NUP210L: variants seen among roughly 807,000 people sequenced by gnomAD.
NUP210L encodes the protein nucleoporin 210 like, also known as nuclear pore membrane glycoprotein 210-like.
A neutral mutation model predicts 208.5 loss-of-function variants in NUP210L; 74 were observed. The ratio of observed to expected loss-of-function variants is 0.35; its 90% CI spans 0.29 to 0.43. NUP210L has a LOEUF of 0.43. NUP210L is among the 20% of genes least tolerant of loss of function. NUP210L has a pLI of 1.00. For synonymous variants in NUP210L, 780 were observed against 816.9 expected (o/e 0.95, Z 0.77); for missense variants, 1,843 against 2,289.4 (o/e 0.81, Z 3.98).
At chr1:154,080,283 C>A (rs186444797) in intron 16 of NUP210L, among the ~76,000 whole-genome samples, 2 of 151,746 alleles carry the variant, frequency 1.3e-5, no homozygotes, top group African/African-American at 4.8e-5. Context: ...TCGTTTGAAC[C>A]TGGGAGGCGG....
At chr1:154,098,984 C>G (rs1018684851) in intron 14 of NUP210L, among the ~76,000 whole-genome samples, 7 of 152,192 alleles carry the variant, frequency 4.6e-5, no homozygotes, top group Non-Finnish European at 7.4e-5. Context: ...GCCAAGGCAG[C>G]AGGGGCCTGG....
chr1:154,010,019 G>A (rs1221258973), exon 35 of NUP210L: 1 of 1,612,604 alleles, frequency 6.2e-7, no homozygotes, highest in Admixed American at 1.7e-5. Flanking sequence ...TTTACTTGCT[G>A]GAATGTCTAG....
At chr1:154,057,992 C>T in intron 22 of NUP210L, 97 bp downstream of exon 22, 1 of 1,294,460 alleles carries the variant, frequency 7.7e-7, no homozygotes. Context: ...TGGAGAAAAT[C>T]TGAAATAATC....
intron 10 of NUP210L, 42 bp from the exon 11 acceptor site, chr1:154,118,850 AC>A: frequency 7.7e-7 from 1 of 1,302,278 alleles, no homozygotes; most frequent in Non-Finnish European, 1.1e-6. Context: ...ATTTATAAGG[AC>A]TATTCTTATA....
chr1:154,036,540 T>A (rs1373962328), intron 27 of NUP210L, among the ~76,000 whole-genome samples: 1 of 150,010 alleles, frequency 6.7e-6, no homozygotes, highest in Non-Finnish European at 1.5e-5. Context: ...AATTTTTGTA[T>A]TTTTAGTAGA....
At chr1:154,141,496 C>T in exon 4 of NUP210L, 1 of 1,611,728 alleles carries the variant, frequency 6.2e-7, no homozygotes, top group Admixed American at 1.7e-5. Flanking sequence ...ACTCAAACAT[C>T]ATCCCTGCCA....
chr1:154,010,709 A>T (rs1052950008), intron 34 of NUP210L, among the ~76,000 whole-genome samples: 1 of 151,934 alleles, frequency 6.6e-6, no homozygotes, highest in Admixed American at 6.6e-5. Context: ...CGTCTCTACT[A>T]AAAATACAAA....
intron 13 of NUP210L, among the ~76,000 whole-genome samples, chr1:154,101,836 A>C (rs1202769009): frequency 6.6e-6 from 1 of 152,078 alleles, no homozygotes; most frequent in Non-Finnish European, 1.5e-5. Context: ...AATATGAGAG[A>C]TATATATGAG....
chr1:154,136,942 C>T (rs1199751179), intron 6 of NUP210L, among the ~76,000 whole-genome samples: 1 of 98,874 alleles, frequency 1.0e-5, no homozygotes, highest in Non-Finnish European at 2.2e-5. Context: ...AAAAAAAAAG[C>T]TCAATGTAAC....
chr1:154,085,286 C>T (rs1262685285), intron 16 of NUP210L, among the ~76,000 whole-genome samples: 6 of 150,248 alleles, frequency 4.0e-5, no homozygotes, highest in African/African-American at 1.5e-4. Flanking sequence ...GGAGGCAGAG[C>T]TTGCAGTGAG....
chr1:153,993,863 ACACCAG>A (rs1359285042), intron 38 of NUP210L, among the ~76,000 whole-genome samples: 2 of 152,136 alleles, frequency 1.3e-5, no homozygotes, highest in African/African-American at 4.8e-5. Context: ...GCACCACTTC[ACACCAG>A]CCTGGGTGAC....
At chr1:154,089,339 T>C (rs1157178765) in intron 16 of NUP210L, 82 bp downstream of exon 16, 1 of 1,183,972 alleles carries the variant, frequency 8.4e-7, no homozygotes, top group Non-Finnish European at 1.2e-6. Flanking sequence ...TCTGGATATA[T>C]ACCCCAAAGA....
At chr1:154,073,197 A>G (rs141136410) in intron 16 of NUP210L, among the ~76,000 whole-genome samples, 310 of 152,340 alleles carry the variant, frequency 2.0e-3, no homozygotes, top group African/African-American at 7.0e-3. Flanking sequence ...ATGATCAGGG[A>G]AATGCACATC....
In NUP210L at chr1:154,135,866, G is replaced by A. The variant is rs1271124266; in HGVS notation, c.957C>T (p.Ala319=). 4.3e-6 allele frequency: 7 copies of A among 1,613,602 alleles called. No individual in the cohort carries two copies. In the African/African-American group the frequency reaches 5.3e-5, roughly 12 times the overall value. The stretch of plus-strand genomic sequence containing the variant: ...GGCCCAGTTGTGAGGCAGTCACCAT[G>A]GCTGTTTTGTCATCCAGTATAGCCA... Residue 319 remains alanine, a synonymous_variant, in exon 7 of 40, where the codon GCC becomes GCT. Coordinates refer to ENST00000368559, the Ensembl canonical transcript of NUP210L.
intron 35 of NUP210L, among the ~76,000 whole-genome samples, chr1:154,004,546 G>A (rs1650399913): frequency 1.3e-5 from 2 of 152,096 alleles, no homozygotes; most frequent in South Asian, 4.1e-4. Context: ...AGTAGAGGCA[G>A]AGTTTCACCA....
intron 37 of NUP210L, among the ~76,000 whole-genome samples, chr1:153,996,251 C>CA (rs1649858426): frequency 6.6e-6 from 1 of 152,138 alleles, no homozygotes; most frequent in Non-Finnish European, 1.5e-5. Flanking sequence ...GAGATCTCTC[C>CA]ACTGCACTCC....
intron 2 of NUP210L, among the ~76,000 whole-genome samples, chr1:154,150,267 G>C (rs12567507): frequency 2.0e-5 from 3 of 152,034 alleles, no homozygotes; most frequent in Non-Finnish European, 4.4e-5. Flanking sequence ...CCAGCTACTC[G>C]GGAGGCTGAG....
chr1:154,117,729 A>T, exon 12 of NUP210L: 1 of 1,609,960 alleles, frequency 6.2e-7, no homozygotes, highest in Non-Finnish European at 8.5e-7. Context: ...GTTTACCTTA[A>T]TTTCTCCATA....
rs369108614 is a variant in NUP210L at position 154,054,964 on chromosome 1, G to A, written c.3241-132C>T. 1.9e-4 allele frequency: 127 copies of A among 651,304 alleles called. 2 individuals carry two copies. Among genetic ancestry groups the A allele is most frequent in the South Asian group, 1.8e-3 (98 of 53,488 alleles). 40.3% of individuals were successfully genotyped at this position (651,304 alleles called of 1,614,324 possible). A position where few individuals can be genotyped will look rare whatever the true frequency, so the allele number is the denominator to read the frequency against. On this transcript the variant is annotated intron_variant, in intron 23 of 39. Coordinates refer to ENST00000368559, the Ensembl canonical transcript of NUP210L. ...TGCCCATGCTGAAGTGCAGTGGCAC[G>A]ATCACAGCTCACTGCAGCCTTGAAC...
Sources: allele counts gnomAD v4.1 joint callset (sites outside exome capture counted in the v4.1 genomes callset), GRCh38; gene constraint gnomAD v4.1.1; transcripts MANE v1.5; gene names NCBI Gene and HGNC (gene_info 2026-07-23, HGNC 2026-07-21).